PRELID2: variants seen among roughly 807,000 people sequenced by gnomAD.
The protein encoded by PRELID2 is PRELI domain containing 2.
A neutral mutation model predicts 28.4 loss-of-function variants in PRELID2; 25 were observed. The ratio of observed to expected loss-of-function variants is 0.88; its 90% confidence interval spans 0.64 to 1.23. PRELID2 has a LOEUF of 1.23. PRELID2 is among the 50% of genes most tolerant of loss of function. PRELID2 has a pLI of 0.00. For synonymous variants in PRELID2, 76 were observed against 71.6 expected, an observed-to-expected ratio of 1.06 and a Z score of -0.31; for missense variants, 201 against 214.4, an observed-to-expected ratio of 0.94 and a Z score of 0.39.
the PRELID2 span, chr5:145,229,134 C>A: frequency 8.2e-7 from 1 of 1,214,334 alleles, no homozygotes. Context: ...AACCGTCCAG[C>A]GGGTGGGGGC....
At chr5:145,405,083 C>T in the PRELID2 span, among the ~76,000 whole-genome samples, 4 of 152,270 alleles carry the variant, frequency 2.6e-5, no homozygotes, top group East Asian at 1.9e-4. Flanking sequence ...TCAAGTGCCA[C>T]GCTATCCCAA....
At chr5:145,424,532 A>G in the PRELID2 span, among the ~76,000 whole-genome samples, 29 of 152,324 alleles carry the variant, frequency 1.9e-4, no homozygotes, top group South Asian at 3.3e-3. Flanking sequence ...TCTTTGACTC[A>G]GAAAGGGAAC....
chr5:145,745,828 C>T (rs1756975697), intron 1 of PRELID2, among the ~76,000 whole-genome samples: 1 of 150,958 alleles, frequency 6.6e-6, no homozygotes, highest in Non-Finnish European at 1.5e-5. Context: ...CACCATTGCA[C>T]TCCACCCTGG....
chr5:145,550,450 C>A (rs1752824574), intron 1 of PRELID2, among the ~76,000 whole-genome samples: 1 of 152,008 alleles, frequency 6.6e-6, no homozygotes, highest in African/African-American at 2.4e-5. Flanking sequence ...GTGGCACGTG[C>A]CTAGAACTCA....
intron 1 of PRELID2, among the ~76,000 whole-genome samples, chr5:145,498,076 A>G (rs552112805): frequency 6.6e-6 from 1 of 152,210 alleles, no homozygotes; most frequent in Non-Finnish European, 1.5e-5. Flanking sequence ...CTGAGTTTTA[A>G]TCAGCTCTTC....
chr5:145,714,633 C>T (rs1437034916), intron 1 of PRELID2, among the ~76,000 whole-genome samples: 1 of 152,068 alleles, frequency 6.6e-6, no homozygotes, highest in African/African-American at 2.4e-5. Flanking sequence ...CCTTTACAAC[C>T]GATCTTTGAA....
At chr5:145,769,103 A>G (rs951803509) in intron 5 of PRELID2, among the ~76,000 whole-genome samples, 2 of 152,230 alleles carry the variant, frequency 1.3e-5, no homozygotes, top group East Asian at 1.9e-4. Flanking sequence ...TACACCACTT[A>G]TCACACAATG....
rs963588583 is a variant in PRELID2 at position 145,664,931 on chromosome 5, G to A, written n.70+100000C>T. On this transcript the variant is annotated intron_variant and non_coding_transcript_variant, in intron 1 of 2. Transcript: ENST00000510259. ...GGCCACAGGTCAGATTTAAAGCTGC[G>A]ACCTCAAGGAAATGCACATGCTTCC... 4.6e-5 allele frequency among the ~76,000 whole-genome samples: 7 copies of A among 151,994 alleles called. No homozygotes were observed. The East Asian group carries it at 9.7e-4, about 21-fold the overall frequency.
chr5:145,609,228 C>T (rs760319674), intron 1 of PRELID2, among the ~76,000 whole-genome samples: 13 of 152,176 alleles, frequency 8.5e-5, no homozygotes, highest in Non-Finnish European at 1.3e-4. Flanking sequence ...TGATGATCTT[C>T]GTTCTTATCC....
intron 1 of PRELID2, among the ~76,000 whole-genome samples, chr5:145,832,567 T>C (rs1158874543): frequency 6.6e-6 from 1 of 152,202 alleles, no homozygotes; most frequent in Admixed American, 6.5e-5. Context: ...GCCGGGTGGC[T>C]AAGGCTGTGA....
At chr5:145,700,130 G>C (rs2149702191) in intron 1 of PRELID2, among the ~76,000 whole-genome samples, 1 of 152,172 alleles carries the variant, frequency 6.6e-6, no homozygotes, top group East Asian at 1.9e-4. Flanking sequence ...AAGCCTAACA[G>C]ACATTTAGAC....
chr5:145,816,979 G>A lies in PRELID2; in HGVS notation c.368+915C>T, dbSNP rs1045752969. ...GTTTGAGACCAGCCTGGGCAACATAGTGAGACCCCGTATCTACGAAACAAA... is the reference window on the plus strand; with the variant it reads ...GTTTGAGACCAGCCTGGGCAACATAATGAGACCCCGTATCTACGAAACAAA... On this transcript the variant is annotated intron_variant, in intron 4 of 6. Transcript: ENST00000683046. 1.3e-4 allele frequency among the ~76,000 whole-genome samples: 19 copies of A among 151,586 alleles called. No homozygotes were observed. The Middle Eastern group carries it at 0.01, about 81-fold the overall frequency.
chr5:145,826,077 A>G, intron 1 of PRELID2: 2 of 985,442 alleles, frequency 2.0e-6, no homozygotes, highest in African/African-American at 1.7e-5. Flanking sequence ...AGAATTGATC[A>G]AGCTGAATCA....
Position 145,756,966 on chromosome 5 carries a change from G to C in PRELID2, c.*3570C>G, listed in dbSNP as rs890573951. 6.6e-5 allele frequency among the ~76,000 whole-genome samples: 10 copies of C among 151,910 alleles called. No individual in the cohort carries two copies. The highest frequency in any genetic ancestry group is 2.4e-4 in the African/African-American group (10 of 41,362). Reference sequence around the variant, plus strand: ...AGGGACTTTAACAAAACTAAGTAGGGCCTGAAAGAATTAAAAACATATATG... The same window carrying C: ...AGGGACTTTAACAAAACTAAGTAGGCCCTGAAAGAATTAAAAACATATATG... On this transcript the variant is annotated 3_prime_UTR_variant, in exon 7 of 7. Coordinates refer to ENST00000683046, the MANE Select transcript of PRELID2 (RefSeq NM_205846.3).
chr5:145,764,721 C>A (rs1227449892), intron 6 of PRELID2, among the ~76,000 whole-genome samples: 1 of 152,046 alleles, frequency 6.6e-6, no homozygotes, highest in Non-Finnish European at 1.5e-5. Flanking sequence ...GAGTTGTAAC[C>A]CAGCATGTAA....
the PRELID2 span, among the ~76,000 whole-genome samples, chr5:145,234,759 G>C: frequency 1.3e-5 from 2 of 152,212 alleles, no homozygotes; most frequent in South Asian, 2.1e-4. Context: ...TCAAGAAATA[G>C]AGTCTACCCA....
the PRELID2 span, among the ~76,000 whole-genome samples, chr5:145,276,538 A>G: frequency 6.6e-6 from 1 of 152,120 alleles, no homozygotes; most frequent in African/African-American, 2.4e-5. Context: ...GCTATCCCTA[A>G]GGTTAATAGT....
the PRELID2 span, among the ~76,000 whole-genome samples, chr5:145,282,773 C>A: frequency 6.6e-6 from 1 of 152,110 alleles, no homozygotes; most frequent in African/African-American, 2.4e-5. Context: ...CCTGCCTCTG[C>A]CTCCCACTGT....
chr5:145,595,167 C>CACACACACAT (rs753817866), intron 1 of PRELID2, among the ~76,000 whole-genome samples: 2,171 of 145,206 alleles, frequency 0.015, 18 homozygotes, highest in African/African-American at 0.018. Context: ...AATAGACACA[C>CACACACACAT]ACACACACAC....
Sources: gnomAD v4.1 joint callset for allele counts (sites outside exome capture counted in the v4.1 genomes callset) on GRCh38, gnomAD v4.1.1 for gene constraint, MANE v1.5 for transcripts, NCBI Gene and HGNC (gene_info 2026-07-23, HGNC 2026-07-21) for gene names.